Variants in IGDCC3 observed in about 807,000 individuals in gnomAD.
IGDCC3 encodes putative neuronal cell adhesion molecule.
A neutral mutation model predicts 72.0 loss-of-function variants in IGDCC3; 47 were observed. That is an observed-to-expected ratio of 0.65 (90% CI 0.52 to 0.83). The LOEUF (loss-of-function observed/expected upper bound fraction) is 0.83. Among genes scored for constraint, IGDCC3 ranks in the 40% least tolerant of loss-of-function variants. The pLI, the probability that IGDCC3 is intolerant of heterozygous loss-of-function variation, is 0.00. For missense variants in IGDCC3, 1,038 were observed against 1,091.3 expected, an observed-to-expected ratio of 0.95 and a Z score of 0.69; for synonymous variants, 477 against 472.8, an observed-to-expected ratio of 1.01 and a Z score of -0.11.
At chr15:65,360,651 G>C (rs2091254460) in intron 2 of IGDCC3, among the ~76,000 whole-genome samples, 2 of 152,212 alleles carry the variant, frequency 1.3e-5, no homozygotes, top group Non-Finnish European at 2.9e-5. Flanking sequence ...GATCTGAGAA[G>C]TGTTTGTTGC....
intron 2 of IGDCC3, 73 bp from the exon 3 acceptor site, chr15:65,336,029 C>A: frequency 6.6e-7 from 1 of 1,506,530 alleles, no homozygotes; most frequent in Non-Finnish European, 9.1e-7. Context: ...GCTGCAGTGG[C>A]GTCACAGGCA....
In IGDCC3 at chr15:65,331,233, G is replaced by A. The variant is rs1363185606; in HGVS notation, c.1397-19C>T. On this transcript the variant is annotated intron_variant, in intron 8 of 13. Coordinates refer to ENST00000327987, the MANE Select transcript of IGDCC3 (RefSeq NM_004884.4). ...GGTGGGTCTGGAGAGGCACAGGGTG[G>A]GCAGGGGAGTGTGAAGGACTGGGGG... 3.7e-6 allele frequency: 6 copies of A among 1,612,558 alleles called. No individual in the cohort carries two copies. The highest frequency in any genetic ancestry group is 1.7e-5 in the Admixed American group (1 of 59,954).
intron 9 of IGDCC3, 24 bp from the exon 10 acceptor site, chr15:65,330,765 G>T (rs200974897): frequency 1.9e-6 from 3 of 1,555,898 alleles, no homozygotes; most frequent in Non-Finnish European, 2.6e-6. Context: ...AGGAGGCCAC[G>T]ATGTGAGGAC....
At chr15:65,348,691 C>A (rs2140153577) in intron 2 of IGDCC3, among the ~76,000 whole-genome samples, 2 of 152,218 alleles carry the variant, frequency 1.3e-5, no homozygotes, top group South Asian at 4.1e-4. Flanking sequence ...GGTTAGAGGC[C>A]CGACTTAGGA....
intron 2 of IGDCC3, among the ~76,000 whole-genome samples, chr15:65,348,498 G>C (rs977588464): frequency 1.4e-4 from 22 of 152,194 alleles, no homozygotes; most frequent in African/African-American, 4.8e-4. Context: ...ATACCGAGGA[G>C]ACACCCCAAC....
At chr15:65,331,294 G>A (rs1048332373) in intron 8 of IGDCC3, 80 bp from the exon 9 acceptor site, 118 of 1,575,416 alleles carry the variant, frequency 7.5e-5, no homozygotes, top group Non-Finnish European at 1.1e-5. Context: ...GGGCAGCCAG[G>A]GTGCCCGGGG....
At chr15:65,359,395 T>C (rs1158129168) in intron 2 of IGDCC3, among the ~76,000 whole-genome samples, 1 of 152,132 alleles carries the variant, frequency 6.6e-6, no homozygotes, top group Non-Finnish European at 1.5e-5. Context: ...CTTCTTAGCA[T>C]GGAGCCTGGC....
chr15:65,368,612 T>C (rs1199660544), intron 2 of IGDCC3, among the ~76,000 whole-genome samples: 1 of 152,054 alleles, frequency 6.6e-6, no homozygotes, highest in African/African-American at 2.4e-5. Context: ...AGGCCTTGTC[T>C]AGCTAGAGAG....
intron 6 of IGDCC3, among the ~76,000 whole-genome samples, chr15:65,332,792 C>G (rs559992391): frequency 6.6e-6 from 1 of 152,332 alleles, no homozygotes; most frequent in East Asian, 1.9e-4. Flanking sequence ...CGGCAGGGCC[C>G]CGCCCCACGG....
intron 2 of IGDCC3, among the ~76,000 whole-genome samples, chr15:65,346,585 T>C (rs1163754253): frequency 6.6e-6 from 1 of 152,046 alleles, no homozygotes; most frequent in African/African-American, 2.4e-5. Flanking sequence ...GCCTCCCGAG[T>C]AGCTGGGATT....
chr15:65,344,637 G>A (rs1234610083), intron 2 of IGDCC3, among the ~76,000 whole-genome samples: 1 of 152,202 alleles, frequency 6.6e-6, no homozygotes, highest in African/African-American at 2.4e-5. Flanking sequence ...CCAAAGGCGT[G>A]GCTGCAGGGG....
At chr15:65,331,849 A>G in intron 7 of IGDCC3, 92 bp downstream of exon 7, 3 of 1,457,516 alleles carry the variant, frequency 2.1e-6, no homozygotes, top group African/African-American at 1.4e-5. Flanking sequence ...CTTCCCTGGC[A>G]GGAGGTGTAC....
intron 1 of IGDCC3, among the ~76,000 whole-genome samples, chr15:65,376,285 T>C (rs1361961355): frequency 6.6e-6 from 1 of 152,214 alleles, no homozygotes; most frequent in Non-Finnish European, 1.5e-5. Context: ...GGCCAAAGAA[T>C]AGATGGGGTT....
At chr15:65,375,445 T>G (rs776378315) in intron 1 of IGDCC3, 43 bp from the exon 2 acceptor site, 1 of 1,495,404 alleles carries the variant, frequency 6.7e-7, no homozygotes, top group Admixed American at 1.9e-5. Context: ...GGGGTGTTAG[T>G]ATGAAATGAA....
In IGDCC3 at chr15:65,334,802, G is replaced by C; in HGVS notation, c.749C>G (p.Thr250Arg). 1 of 1,612,730 alleles carries C rather than the reference G, an allele frequency of 6.2e-7. No homozygotes were observed. The highest frequency in any genetic ancestry group is 8.5e-7 in the Non-Finnish European group (1 of 1,179,504). ...CTCAAGCACCGCGGTCTGGTGCACTGTCAGGGTGAGGTTCTCAGGCCCCAC... is the reference window on the plus strand; with the variant it reads ...CTCAAGCACCGCGGTCTGGTGCACTCTCAGGGTGAGGTTCTCAGGCCCCAC... ...ILVGPENLTL[T>R]VHQTAVLECV... Residue 250 changes from threonine (T) to arginine (R), a missense_variant, in exon 5 of 14, where the codon ACA becomes AGA. Coordinates refer to ENST00000327987, the MANE Select transcript of IGDCC3 (RefSeq NM_004884.4).
intron 2 of IGDCC3, among the ~76,000 whole-genome samples, chr15:65,359,235 G>A (rs2091245677): frequency 6.6e-6 from 1 of 152,136 alleles, no homozygotes. Flanking sequence ...AATAATGAGA[G>A]TATGTGTCCT....
At chr15:65,363,684 GAGA>G (rs1263477216) in intron 2 of IGDCC3, among the ~76,000 whole-genome samples, 3 of 150,480 alleles carry the variant, frequency 2.0e-5, no homozygotes, top group African/African-American at 7.5e-5. Flanking sequence ...GACCCCTGGG[GAGA>G]AGGAGCCTTC....
intron 11 of IGDCC3, 147 bp from the exon 12 acceptor site, chr15:65,330,011 G>T: frequency 1.2e-6 from 1 of 821,708 alleles, no homozygotes; most frequent in Non-Finnish European, 1.9e-6. Flanking sequence ...CAGGACTCCA[G>T]ACCAATCTTT....
Position 65,329,083 on chromosome 15 carries a change from G to T in IGDCC3, c.2271C>A (p.Cys757Ter). 1 of 1,611,062 alleles carries T rather than the reference G, an allele frequency of 6.2e-7. No homozygotes were observed. Among genetic ancestry groups the T allele is most frequent in the South Asian group, 1.1e-5 (1 of 90,662 alleles). The change falls in exon 14 of 14, where the codon TGC becomes TGA. Residue 757 changes from cysteine to a stop codon, truncating the protein, a stop_gained. Transcript: ENST00000327987. LOFTEE classifies it low-confidence loss of function (END_TRUNC). This position sits in a 1 kb window ranked among gnomAD's most constrained non-coding sequence, Gnocchi z 4.1. ...CCGTCGTCTTCCCCTCCATCAGGCC[G>T]CACCCCTGAAGTGGCAGCACGGAGA... is the stretch of plus-strand genomic sequence containing the variant. ...TQLSVLPLQG[C>*]GLMEGKTTEA...
Sources: gnomAD v4.1 joint callset for allele counts (sites outside exome capture counted in the v4.1 genomes callset) on GRCh38, gnomAD v4.1.1 for gene constraint, Gnocchi (gnomAD v3.1) non-coding constraint, MANE v1.5 for transcripts, NCBI Gene and HGNC (gene_info 2026-07-23, HGNC 2026-07-21) for gene names.